The following IMMT variants were observed in gnomAD, a reference collection of about 807,000 sequenced individuals.
The protein encoded by IMMT is inner membrane mitochondrial protein, also known as MICOS complex subunit MIC60.
Under a neutral mutation model 92.7 loss-of-function variants are expected in IMMT, and 40 were observed. That is an observed-to-expected ratio of 0.43 (90% CI 0.34 to 0.56). The LOEUF (loss-of-function observed/expected upper bound fraction) is 0.56, where lower values mean the gene tolerates loss of function less well. Among genes scored for constraint, IMMT ranks in the 20% least tolerant of loss-of-function variants. IMMT has a pLI of 0.03. For synonymous variants in IMMT, 322 were observed against 336.1 expected (o/e 0.96, Z 0.46); for missense variants, 831 against 912.1 (o/e 0.91, Z 1.14).
At chr2:86,182,079 T>C (rs1320502210) in intron 1 of IMMT, among the ~76,000 whole-genome samples, 2 of 135,672 alleles carry the variant, frequency 1.5e-5, no homozygotes, top group African/African-American at 5.7e-5. Flanking sequence ...AAGAGTAAAA[T>C]ACACCTAAAT....
intron 1 of IMMT, among the ~76,000 whole-genome samples, chr2:86,191,693 G>A (rs1276640572): frequency 2.0e-5 from 3 of 147,254 alleles, no homozygotes; most frequent in African/African-American, 7.6e-5. Flanking sequence ...CACAAGGTCA[G>A]GAGATCGAGA....
At chr2:86,167,031 G>C (rs1022360408) in intron 6 of IMMT, among the ~76,000 whole-genome samples, 2 of 150,756 alleles carry the variant, frequency 1.3e-5, no homozygotes, top group Non-Finnish European at 1.5e-5. Context: ...CTGGGAGGTG[G>C]AGCTTGCAGT....
intron 4 of IMMT, among the ~76,000 whole-genome samples, chr2:86,171,998 C>G (rs947947350): frequency 2.9e-5 from 4 of 136,582 alleles, no homozygotes; most frequent in African/African-American, 5.6e-5. Context: ...CAAGGTCTCA[C>G]TCTGTTGCCC....
chr2:86,159,865 A>C lies in IMMT; in HGVS notation c.897-194T>G, dbSNP rs1676141633. On this transcript the variant is annotated intron_variant, in intron 8 of 14. Coordinates refer to ENST00000410111, the MANE Select transcript of IMMT (RefSeq NM_006839.3). Reference sequence around the variant, plus strand: ...GCCCAGGAGTTCAAGACCAGCCTGGACAACATAGGGAAACCATGCCTCTAT... The same window carrying C: ...GCCCAGGAGTTCAAGACCAGCCTGGCCAACATAGGGAAACCATGCCTCTAT... 3.4e-5 allele frequency: 13 copies of C among 386,906 alleles called. No homozygotes were observed. The East Asian group carries it at 5.0e-4, about 15-fold the overall frequency. 24.0% of individuals were successfully genotyped at this position (386,906 alleles called of 1,614,324 possible).
At chr2:86,172,646 T>C (rs1281371768) in intron 4 of IMMT, among the ~76,000 whole-genome samples, 4 of 152,212 alleles carry the variant, frequency 2.6e-5, no homozygotes, top group Non-Finnish European at 5.9e-5. Context: ...ATAAAATTCT[T>C]ACAATGGCTT....
intron 1 of IMMT, chr2:86,192,999 A>G (rs1208947621): frequency 6.5e-6 from 1 of 153,994 alleles, no homozygotes; most frequent in South Asian, 2.0e-4. Context: ...GCATGACCTC[A>G]TGTTTGCCTT....
chr2:86,159,948 CT>C (rs1193269719), intron 8 of IMMT: 6 of 216,158 alleles, frequency 2.8e-5, no homozygotes, highest in South Asian at 3.5e-4. Context: ...TTTTTTTTTT[CT>C]TTTTTTTAAA....
Position 86,144,392 on chromosome 2 carries a change from C to T in IMMT, c.2153G>A (p.Arg718Lys), listed in dbSNP as rs764198090. 2.5e-6 allele frequency: 4 copies of T among 1,613,900 alleles called. No homozygotes were observed. The highest frequency in any genetic ancestry group is 8.5e-7 in the Non-Finnish European group (1 of 1,179,906). Residue 718 changes from arginine (R) to lysine (K), a missense_variant, in exon 15 of 15, where the codon AGA becomes AAA. Physicochemically the swap from Arg to Lys is conservative, Grantham distance 26. Transcript: ENST00000410111. Reference sequence around the variant, plus strand: ...CTTCAGCCAGTCCTGTGCCACTCGTCTGGATTCCCCCTTCAGCTGATTGAC... The same window carrying T: ...CTTCAGCCAGTCCTGTGCCACTCGTTTGGATTCCCCCTTCAGCTGATTGAC... ...KFVNQLKGESRRVAQDWLKEA... is the reference protein window; with the variant it reads ...KFVNQLKGESKRVAQDWLKEA...
chr2:86,151,096 T>C (rs1675440450), intron 12 of IMMT, among the ~76,000 whole-genome samples: 1 of 152,110 alleles, frequency 6.6e-6, no homozygotes, highest in East Asian at 1.9e-4. Context: ...TTTGTATTTT[T>C]AGAAGAGACG....
chr2:86,186,381 T>C (rs1183886243), intron 1 of IMMT, among the ~76,000 whole-genome samples: 1 of 152,194 alleles, frequency 6.6e-6, no homozygotes. Flanking sequence ...TCCAGAAACG[T>C]GCCCCTCTCC....
intron 1 of IMMT, among the ~76,000 whole-genome samples, chr2:86,185,523 G>A (rs1164834878): frequency 3.3e-5 from 5 of 152,020 alleles, no homozygotes; most frequent in Non-Finnish European, 5.9e-5. Flanking sequence ...ATAAGGATGT[G>A]TTTCCCAGAT....
chr2:86,147,659 T>G (rs2104568323), intron 13 of IMMT, 43 bp downstream of exon 13: 1 of 1,579,928 alleles, frequency 6.3e-7, no homozygotes, highest in Non-Finnish European at 8.6e-7. Context: ...CTCTTAATCC[T>G]GTCAGGAAGA....
At chr2:86,145,809 C>T (rs1674956808) in intron 14 of IMMT, among the ~76,000 whole-genome samples, 1 of 152,100 alleles carries the variant, frequency 6.6e-6, no homozygotes, top group African/African-American at 2.4e-5. Context: ...GCCCTTACCA[C>T]CCAGGCACAT....
chr2:86,186,250 A>G (rs1022025493), intron 1 of IMMT, among the ~76,000 whole-genome samples: 8 of 152,126 alleles, frequency 5.3e-5, no homozygotes, highest in African/African-American at 1.9e-4. Flanking sequence ...GACTCTGGAG[A>G]GTCTTGGAGA....
At chr2:86,190,369 C>T (rs914455889) in intron 1 of IMMT, among the ~76,000 whole-genome samples, 14 of 152,152 alleles carry the variant, frequency 9.2e-5, no homozygotes, top group Admixed American at 3.9e-4. Flanking sequence ...TAAGCTGGAG[C>T]GGTTGATCCT....
chr2:86,152,250 G>A (rs1439804952), intron 11 of IMMT, among the ~76,000 whole-genome samples: 4 of 152,006 alleles, frequency 2.6e-5, no homozygotes, highest in African/African-American at 4.8e-5. Flanking sequence ...AGACCAGCTT[G>A]GCCAACCTGG....
At chr2:86,178,627 GA>G (rs980563770) in intron 3 of IMMT, among the ~76,000 whole-genome samples, 24 of 141,950 alleles carry the variant, frequency 1.7e-4, no homozygotes, top group East Asian at 4.1e-4. Context: ...CTCCGTCTTG[GA>G]AAAAAAAAAA....
intron 1 of IMMT, among the ~76,000 whole-genome samples, chr2:86,184,882 G>A (rs368997235): frequency 2.6e-5 from 4 of 152,154 alleles, no homozygotes; most frequent in South Asian, 2.1e-4. Context: ...ATGAACTGAC[G>A]TACTTGGCTA....
At chr2:86,159,150 A>T (rs536124032) in intron 9 of IMMT, 1 of 292,970 alleles carries the variant, frequency 3.4e-6, no homozygotes, top group East Asian at 9.0e-5. Flanking sequence ...CAGTGGCACC[A>T]TCTCAGCTCA....
Sources: allele counts gnomAD v4.1 joint callset (sites outside exome capture counted in the v4.1 genomes callset), GRCh38; gene constraint gnomAD v4.1.1; transcripts MANE v1.5; gene names NCBI Gene and HGNC (gene_info 2026-07-23, HGNC 2026-07-21).